Variants in EIF4G3 observed in about 807,000 individuals in gnomAD.
EIF4G3 encodes the protein eukaryotic translation initiation factor 4 gamma 3.
In EIF4G3, 34 loss-of-function variants were observed where a neutral mutation model predicts 186.4. That is an observed-to-expected ratio of 0.18 (90% confidence interval 0.14 to 0.24). The LOEUF (loss-of-function observed/expected upper bound fraction) is 0.24, where lower values mean the gene tolerates loss of function less well. EIF4G3 is among the 10% of genes least tolerant of loss of function. The pLI is 1.00. For synonymous variants in EIF4G3, 673 were observed against 679.5 expected, an observed-to-expected ratio of 0.99 and a Z score of 0.15; for missense variants, 1,536 against 1,948.5, an observed-to-expected ratio of 0.79 and a Z score of 3.99.
At chr1:21,012,085 T>G (rs1016962671) in intron 4 of EIF4G3, among the ~76,000 whole-genome samples, 1 of 152,224 alleles carries the variant, frequency 6.6e-6, no homozygotes, top group African/African-American at 2.4e-5. Context: ...CTGGCCTATA[T>G]TGATATTAGA....
At chr1:21,082,734 T>C (rs572057802) in intron 3 of EIF4G3, among the ~76,000 whole-genome samples, 17 of 152,128 alleles carry the variant, frequency 1.1e-4, no homozygotes, top group African/African-American at 4.1e-4. Context: ...AGGCTCTGTC[T>C]CTGTTAAAAA....
intron 2 of EIF4G3, among the ~76,000 whole-genome samples, chr1:21,155,737 C>A (rs1266926200): frequency 6.6e-6 from 1 of 151,930 alleles, no homozygotes; most frequent in Non-Finnish European, 1.5e-5. Flanking sequence ...TTTTTTATTT[C>A]TAAAATATAT....
At chr1:20,943,797 T>C (rs2095810418) in intron 13 of EIF4G3, among the ~76,000 whole-genome samples, 1 of 152,230 alleles carries the variant, frequency 6.6e-6, no homozygotes, top group Admixed American at 6.5e-5. Context: ...ATGACACTTA[T>C]TAGCCTTAAA....
chr1:20,957,522 C>CAAA (rs11366654), intron 12 of EIF4G3, among the ~76,000 whole-genome samples: 3 of 117,812 alleles, frequency 2.5e-5, no homozygotes, highest in Non-Finnish European at 3.5e-5. Flanking sequence ...GACTCTGTCT[C>CAAA]AAAAAAAAAA....
At chr1:20,885,154 C>T (rs1043208582) in intron 19 of EIF4G3, among the ~76,000 whole-genome samples, 3 of 152,136 alleles carry the variant, frequency 2.0e-5, no homozygotes, top group Admixed American at 6.5e-5. Flanking sequence ...TGTGTGGCCC[C>T]GTTCCCAACA....
chr1:20,947,640 CAAAG>C (rs939021501), intron 13 of EIF4G3, among the ~76,000 whole-genome samples: 1 of 151,806 alleles, frequency 6.6e-6, no homozygotes, highest in African/African-American at 2.4e-5. Context: ...AACAGAGAAA[CAAAG>C]AAAGAGAGTT....
intron 4 of EIF4G3, among the ~76,000 whole-genome samples, chr1:21,021,826 G>T (rs1162485784): frequency 6.6e-6 from 1 of 152,076 alleles, no homozygotes; most frequent in African/African-American, 2.4e-5. Flanking sequence ...AAAGTGCTGG[G>T]ATTACAGCCA....
At chr1:20,858,937 A>C (rs1039366085) in intron 24 of EIF4G3, among the ~76,000 whole-genome samples, 5 of 152,212 alleles carry the variant, frequency 3.3e-5, no homozygotes, top group African/African-American at 1.2e-4. Context: ...CGGAGGTTGC[A>C]GTGAGCCGAG....
chr1:20,964,986 G>A (rs1304026114), intron 12 of EIF4G3, among the ~76,000 whole-genome samples: 1 of 152,180 alleles, frequency 6.6e-6, no homozygotes, highest in Non-Finnish European at 1.5e-5. Flanking sequence ...GTTCCCTGCT[G>A]TCTTCAGAGC....
In EIF4G3 at chr1:21,123,634, A is replaced by G. The variant is rs532773665; in HGVS notation, c.-271-34421T>C. On this transcript the variant is annotated intron_variant, in intron 2 of 36. Transcript: ENST00000602326. ...CATTTGGGCCAAAAACTTGTCTTAA[A>G]ATTTACTGGCATTAAGGTTAAAATA... 7.9e-5 allele frequency among the ~76,000 whole-genome samples: 12 copies of G among 152,296 alleles called. No homozygotes were observed. In the South Asian group the frequency reaches 2.5e-3, roughly 32 times the overall value.
chr1:21,107,396 T>C (rs2096636501), intron 2 of EIF4G3, among the ~76,000 whole-genome samples: 1 of 151,992 alleles, frequency 6.6e-6, no homozygotes, highest in Non-Finnish European at 1.5e-5. Context: ...GGTCTCAAAC[T>C]CCTGACCTCA....
At chr1:21,068,399 A>AAAAAAAAAAAAAAAAAAAAAAAT (rs2095338292) in intron 3 of EIF4G3, among the ~76,000 whole-genome samples, 1 of 150,000 alleles carries the variant, frequency 6.7e-6, no homozygotes. Flanking sequence ...AAAAAAAAAA[A>AAAAAAAAAAAAAAAAAAAAAAAT]ACAGAATACT....
intron 7 of EIF4G3, among the ~76,000 whole-genome samples, chr1:20,991,631 T>C (rs936528656): frequency 6.6e-6 from 1 of 151,968 alleles, no homozygotes; most frequent in African/African-American, 2.4e-5. Flanking sequence ...AAGTGCTCTA[T>C]AGCCATGTAT....
At chr1:21,031,411 G>C (rs962600854) in intron 4 of EIF4G3, among the ~76,000 whole-genome samples, 1 of 150,198 alleles carries the variant, frequency 6.7e-6, no homozygotes, top group African/African-American at 2.5e-5. Context: ...AAGAGGGAGA[G>C]AGAGCTGTTT....
intron 2 of EIF4G3, among the ~76,000 whole-genome samples, chr1:21,122,732 A>G (rs2096948809): frequency 6.6e-6 from 1 of 152,190 alleles, no homozygotes; most frequent in South Asian, 2.1e-4. Flanking sequence ...AAAATAACAC[A>G]ATTTAAATGT....
At chr1:21,075,827 T>C (rs1023133914) in intron 3 of EIF4G3, among the ~76,000 whole-genome samples, 8 of 152,092 alleles carry the variant, frequency 5.3e-5, no homozygotes, top group Admixed American at 1.3e-4. Context: ...CCCAGACATA[T>C]ATAGCAAGTA....
At chr1:21,030,420 T>C (rs1416712154) in intron 4 of EIF4G3, among the ~76,000 whole-genome samples, 1 of 152,220 alleles carries the variant, frequency 6.6e-6, no homozygotes, top group African/African-American at 2.4e-5. Context: ...AGCTCCCTTT[T>C]TGCCTGCTGC....
intron 2 of EIF4G3, among the ~76,000 whole-genome samples, chr1:21,115,795 C>T (rs2096809052): frequency 1.3e-5 from 2 of 152,174 alleles, no homozygotes; most frequent in Admixed American, 6.6e-5. Flanking sequence ...CAGCTTATTG[C>T]ACCCGTGAAC....
At chr1:21,117,543 A>G (rs2096846558) in intron 2 of EIF4G3, among the ~76,000 whole-genome samples, 1 of 151,936 alleles carries the variant, frequency 6.6e-6, no homozygotes, top group Non-Finnish European at 1.5e-5. Context: ...TTTTTAAATA[A>G]GGAAGTAAAA....
Sources: gnomAD v4.1 joint callset for allele counts (sites outside exome capture counted in the v4.1 genomes callset) on GRCh38, gnomAD v4.1.1 for gene constraint, MANE v1.5 for transcripts, NCBI Gene and HGNC (gene_info 2026-07-23, HGNC 2026-07-21) for gene names.